The following MARK1 variants were observed in gnomAD, a reference collection of about 807,000 sequenced individuals.
The protein encoded by MARK1 is serine/threonine-protein kinase MARK1.
A neutral mutation model predicts 96.3 loss-of-function variants in MARK1; 40 were observed. The ratio of observed to expected loss-of-function variants is 0.42; its 90% CI spans 0.32 to 0.54. The LOEUF is 0.54. Among genes scored for constraint, MARK1 ranks in the 20% least tolerant of loss-of-function variants. MARK1 has a pLI of 0.16. For missense variants in MARK1, 719 were observed against 984.6 expected (o/e 0.73, Z 3.61); for synonymous variants, 317 against 341.2 (o/e 0.93, Z 0.78).
At chr1:220,545,557 C>T (rs1203483868) in intron 1 of MARK1, among the ~76,000 whole-genome samples, 2 of 151,610 alleles carry the variant, frequency 1.3e-5, no homozygotes, top group East Asian at 2.0e-4. Context: ...CCGCCTCAGC[C>T]TCCTGAGTAG....
chr1:220,562,597 C>T (rs996305361), intron 1 of MARK1, among the ~76,000 whole-genome samples: 1 of 152,162 alleles, frequency 6.6e-6, no homozygotes, highest in Non-Finnish European at 1.5e-5. Context: ...GTACCATTTA[C>T]AAACTCCCAC....
intron 6 of MARK1, among the ~76,000 whole-genome samples, chr1:220,612,101 A>G (rs1666480885): frequency 6.6e-6 from 1 of 152,272 alleles, no homozygotes; most frequent in South Asian, 2.1e-4. Flanking sequence ...GCAGACCAGC[A>G]AGAAAGTTCC....
At chr1:220,626,090 C>A in intron 9 of MARK1, 1 of 607,144 alleles carries the variant, frequency 1.6e-6, no homozygotes, top group Admixed American at 1.9e-5. Flanking sequence ...GGCTCTCTGG[C>A]AAGTGCTGTG....
In MARK1 at chr1:220,607,073, C is replaced by G. The variant is rs190880295; in HGVS notation, c.495+2936C>G. ...ATTCTGTGAAGAAAGTTATTGGTAGCTTGATGGGGATGGCATTGAATCTAT... is the reference window on the plus strand; with the variant it reads ...ATTCTGTGAAGAAAGTTATTGGTAGGTTGATGGGGATGGCATTGAATCTAT... On this transcript the variant is annotated intron_variant, in intron 6 of 17. Transcript: ENST00000366917. 5.8e-3 allele frequency among the ~76,000 whole-genome samples: 879 copies of G among 152,196 alleles called. 7 individuals carry two copies. Among genetic ancestry groups the G allele is most frequent in the South Asian group, 0.014 (67 of 4,818 alleles).
At chr1:220,554,002 A>G (rs1662063731) in intron 1 of MARK1, among the ~76,000 whole-genome samples, 1 of 152,170 alleles carries the variant, frequency 6.6e-6, no homozygotes, top group African/African-American at 2.4e-5. Flanking sequence ...GTAATGCAGT[A>G]TATATTACTT....
Position 220,661,918 on chromosome 1 carries a change from C to T in MARK1, c.2140C>T (p.Pro714Ser). 1 of 1,614,048 alleles carries T rather than the reference C, an allele frequency of 6.2e-7. No homozygotes were observed. The highest frequency in any genetic ancestry group is 8.5e-7 in the Non-Finnish European group (1 of 1,180,000). ...TATGAAGACCACTAGTTCAATGGAC[C>T]CTAATGACATGATGAGAGAAATCCG... ...WSMKTTSSMD[P>S]NDMMREIRKV... Residue 714 changes from proline to serine, a missense_variant, in exon 18 of 18, where the codon CCT (proline) becomes TCT (serine). Pro to Ser is a moderately conservative substitution (Grantham distance 74). Transcript: ENST00000366917.
rs754469303 is a variant in MARK1, at chr1:220,653,278, G to A, written c.1914G>A (p.Thr638=). The change falls in exon 16 of 18, where the codon ACG becomes ACA. Residue 638 remains threonine, a synonymous_variant. Coordinates refer to ENST00000366917, the MANE Select transcript of MARK1 (RefSeq NM_018650.5). ...NGPPASPSHE[T]GAFAHARRGT... ...CACCTGCTTCACCATCCCATGAAAC[G>A]GGTGCATTTGCACATGCCAGAAGGG... 20 of 1,614,052 alleles carry A rather than the reference G, an allele frequency of 1.2e-5. No homozygotes were observed. The highest frequency in any genetic ancestry group is 8.3e-5 in the Admixed American group (5 of 59,996).
In MARK1 at chr1:220,662,205, T is replaced by C. The variant is rs937853309; in HGVS notation, c.*39T>C. On this transcript the variant is annotated 3_prime_UTR_variant, in exon 18 of 18. Coordinates refer to ENST00000366917, the MANE Select transcript of MARK1 (RefSeq NM_018650.5). ...TACAGGTTCAGGGAAGATACATACA[T>C]ATATGAGGTACAGTTTTTGAATGTA... 2.7e-6 allele frequency: 4 copies of C among 1,462,594 alleles called. No homozygotes were observed. The highest frequency in any genetic ancestry group is 2.3e-5 in the East Asian group (1 of 43,624). The allele number at this position is 1,462,594 out of a possible 1,614,324, so 90.6% of individuals were successfully genotyped here.
At chr1:220,651,565 T>C (rs182587935) in intron 14 of MARK1, among the ~76,000 whole-genome samples, 116 of 152,310 alleles carry the variant, frequency 7.6e-4, no homozygotes, top group African/African-American at 2.8e-3. Flanking sequence ...AATCTAGAGA[T>C]AATATTTTTG....
intron 1 of MARK1, among the ~76,000 whole-genome samples, chr1:220,556,485 C>CAAAAAAAAAAAAA (rs55808704): frequency 1.2e-5 from 1 of 85,822 alleles, no homozygotes; most frequent in Non-Finnish European, 2.1e-5. Flanking sequence ...GGGACTGTCA[C>CAAAAAAAAAAAAA]AAAAAAAAAA....
intron 1 of MARK1, among the ~76,000 whole-genome samples, chr1:220,558,174 ATAATAT>A (rs1158973301): frequency 7.0e-6 from 1 of 142,852 alleles, no homozygotes; most frequent in African/African-American, 2.6e-5. Flanking sequence ...AATAATAATA[ATAATAT>A]GGGAAATGGC....
At chr1:220,566,820 T>A (rs2786616) in intron 1 of MARK1, among the ~76,000 whole-genome samples, 39,067 of 151,684 alleles carry the variant, frequency 0.26, 5,746 homozygotes, top group East Asian at 0.45. Context: ...TGACAACATC[T>A]TCTGTGTTGA....
chr1:220,659,297 G>T (rs150770516), intron 17 of MARK1, among the ~76,000 whole-genome samples: 14 of 152,154 alleles, frequency 9.2e-5, no homozygotes, highest in African/African-American at 3.1e-4. Context: ...AAAAAAAACA[G>T]CAAGGAACAT....
intron 1 of MARK1, among the ~76,000 whole-genome samples, chr1:220,549,107 C>A (rs149536471): frequency 6.6e-6 from 1 of 152,080 alleles, no homozygotes; most frequent in African/African-American, 2.4e-5. Context: ...GGGTAATTGC[C>A]CTTTGTATAC....
At position 220,577,238 on chromosome 1, in the gene MARK1, G is replaced by C. The variant is rs191618212; in HGVS notation, c.52-2116G>C. Among the ~76,000 whole-genome samples the C allele has an allele frequency of 1.1e-3, 162 of 151,788 alleles. 1 individual carries two copies. In the Middle Eastern group the frequency reaches 0.034, roughly 32 times the overall value. On this transcript the variant is annotated intron_variant, in intron 1 of 17. Transcript: ENST00000366917. ...GCAGTGATCGTGCCACTGCACTCCA[G>C]CCTGGGTGACAGATCAAGACCCTGT...
At chr1:220,647,043 A>C (rs1398960697) in intron 13 of MARK1, among the ~76,000 whole-genome samples, 2 of 152,230 alleles carry the variant, frequency 1.3e-5, no homozygotes, top group African/African-American at 4.8e-5. Context: ...CAAAAGCAAA[A>C]ATTGACAAAT....
intron 9 of MARK1, chr1:220,626,638 A>G: frequency 2.8e-6 from 1 of 356,050 alleles, no homozygotes; most frequent in Non-Finnish European, 5.5e-6. Flanking sequence ...CCTGGCCAAC[A>G]TGGTGAAACC....
intron 6 of MARK1, among the ~76,000 whole-genome samples, chr1:220,613,504 A>G (rs1010739735): frequency 3.3e-5 from 5 of 152,126 alleles, no homozygotes; most frequent in African/African-American, 1.2e-4. Context: ...CCAAATTATT[A>G]TCTGTTGCAT....
At chr1:220,561,944 A>G (rs1395745046) in intron 1 of MARK1, among the ~76,000 whole-genome samples, 1 of 152,212 alleles carries the variant, frequency 6.6e-6, no homozygotes, top group Non-Finnish European at 1.5e-5. Context: ...AAAACTTACC[A>G]TGAGAAGAAG....
Sources: allele counts gnomAD v4.1 joint callset (sites outside exome capture counted in the v4.1 genomes callset), GRCh38; gene constraint gnomAD v4.1.1; transcripts MANE v1.5; gene names NCBI Gene and HGNC (gene_info 2026-07-23, HGNC 2026-07-21).